Variants in STARD13 observed in about 807,000 individuals in gnomAD.
STARD13 encodes StAR related lipid transfer domain containing 13.
In STARD13, 62 loss-of-function variants were observed where a neutral mutation model predicts 106.4. The observed-to-expected ratio is 0.58, with a 90% CI of 0.48 to 0.72. The LOEUF (loss-of-function observed/expected upper bound fraction) is 0.72. Among genes scored for constraint, STARD13 ranks in the 30% least tolerant of loss-of-function variants. STARD13 has a pLI of 0.00. For synonymous variants in STARD13, 565 were observed against 553.0 expected (o/e 1.02, Z -0.31); for missense variants, 1,387 against 1,424.0 (o/e 0.97, Z 0.42).
At chr13:33,145,540 T>C (rs1031978632) in intron 3 of STARD13, among the ~76,000 whole-genome samples, 2 of 152,224 alleles carry the variant, frequency 1.3e-5, no homozygotes, top group Non-Finnish European at 2.9e-5. Context: ...TATAATTTTT[T>C]TTTTGCTGTA....
At chr13:33,267,022 T>C (rs1440136571) in intron 1 of STARD13, among the ~76,000 whole-genome samples, 3 of 152,234 alleles carry the variant, frequency 2.0e-5, no homozygotes, top group Non-Finnish European at 4.4e-5. Flanking sequence ...AAGTTACTGC[T>C]ATGTTACTAA....
chr13:33,413,322 A>G, the STARD13 span, among the ~76,000 whole-genome samples: 1 of 152,170 alleles, frequency 6.6e-6, no homozygotes, highest in African/African-American at 2.4e-5. Flanking sequence ...AAAAGTCTCA[A>G]ATCAATAATC....
the STARD13 span, among the ~76,000 whole-genome samples, chr13:33,378,071 T>A: frequency 2.6e-5 from 4 of 152,180 alleles, no homozygotes; most frequent in African/African-American, 9.7e-5. Context: ...TGAGCCAAGT[T>A]TATTTTAAAG....
At chr13:33,481,595 T>C in the STARD13 span, among the ~76,000 whole-genome samples, 2 of 151,968 alleles carry the variant, frequency 1.3e-5, no homozygotes, top group Non-Finnish European at 2.9e-5. Context: ...GGAAAAATAA[T>C]TAAAAGAGAG....
intron 1 of STARD13, chr13:33,185,822 C>T (rs1885704829): frequency 1.3e-6 from 2 of 1,580,638 alleles, no homozygotes; most frequent in Admixed American, 3.4e-5. Context: ...GGCTAAGTAA[C>T]AAGTTCACAA....
At chr13:33,480,459 G>A in the STARD13 span, among the ~76,000 whole-genome samples, 1 of 152,164 alleles carries the variant, frequency 6.6e-6, no homozygotes, top group Non-Finnish European at 1.5e-5. Flanking sequence ...ATGGTGGGTA[G>A]TAATAATGTT....
chr13:33,528,264 A>ATGTATATGTG, the STARD13 span, among the ~76,000 whole-genome samples: 1 of 132,030 alleles, frequency 7.6e-6, no homozygotes, highest in African/African-American at 3.1e-5. Context: ...ATACATATAT[A>ATGTATATGTG]TATATATATA....
intron 1 of STARD13, among the ~76,000 whole-genome samples, chr13:33,241,225 T>C (rs892656532): frequency 2.0e-5 from 3 of 152,154 alleles, no homozygotes; most frequent in African/African-American, 2.4e-5. Flanking sequence ...CCTCTATTCA[T>C]AGAAAGTAGA....
At chr13:33,397,727 T>C in the STARD13 span, among the ~76,000 whole-genome samples, 1 of 152,196 alleles carries the variant, frequency 6.6e-6, no homozygotes, top group African/African-American at 2.4e-5. Context: ...CCAGGACTGC[T>C]GTAATAAAAT....
chr13:33,327,323 C>T (rs557640360), intron 1 of STARD13, among the ~76,000 whole-genome samples: 49 of 152,176 alleles, frequency 3.2e-4, no homozygotes, highest in African/African-American at 1.0e-3. Context: ...ACACTTTAGA[C>T]GTATGTGATT....
the STARD13 span, among the ~76,000 whole-genome samples, chr13:33,365,166 C>T: frequency 1.3e-5 from 2 of 151,900 alleles, no homozygotes; most frequent in African/African-American, 4.8e-5. Flanking sequence ...TCCTGGGTTC[C>T]TAGGAGATGA....
intron 1 of STARD13, among the ~76,000 whole-genome samples, chr13:33,249,983 G>A (rs1274724049): frequency 6.6e-6 from 1 of 151,946 alleles, no homozygotes; most frequent in East Asian, 1.9e-4. Context: ...TAGAGATCAG[G>A]TCTCACTACG....
At chr13:33,117,911 G>T in intron 8 of STARD13, 154 bp downstream of exon 8, 1 of 1,399,812 alleles carries the variant, frequency 7.1e-7, no homozygotes. Flanking sequence ...ATCAAACTTT[G>T]AGCAAAAGTT....
chr13:33,171,167 T>C (rs1883910349), intron 1 of STARD13, among the ~76,000 whole-genome samples: 1 of 152,238 alleles, frequency 6.6e-6, no homozygotes, highest in African/African-American at 2.4e-5. Context: ...CATTAAGAGC[T>C]ATTAAAATCA....
rs915732230 is a variant in STARD13 at position 33,117,885 on chromosome 13, G to C, written c.2281+180C>G. 11 of 985,144 alleles carry C rather than the reference G, an allele frequency of 1.1e-5. No individual in the cohort carries two copies. The Admixed American group carries it at 2.5e-4, about 22-fold the overall frequency. 61.0% of individuals were successfully genotyped at this position (985,144 alleles called of 1,614,324 possible). On this transcript the variant is annotated intron_variant, in intron 8 of 13. Transcript: ENST00000336934. ...GTATTTTCAAATGCATAAAAAAATG[G>C]CTTGTGGATTTCCATATCAAACTTT...
chr13:33,609,375 AGC>A, the STARD13 span, among the ~76,000 whole-genome samples: 1 of 152,104 alleles, frequency 6.6e-6, no homozygotes, highest in Non-Finnish European at 1.5e-5. Context: ...TGAAAAGTCA[AGC>A]GGCCAGGTAC....
chr13:33,343,527 A>C (rs1216342385), intron 1 of STARD13, among the ~76,000 whole-genome samples: 1 of 140,794 alleles, frequency 7.1e-6, no homozygotes, highest in Non-Finnish European at 1.5e-5. Flanking sequence ...GCACTGAGCC[A>C]TGATTCCATC....
chr13:33,459,727 A>G, the STARD13 span, among the ~76,000 whole-genome samples: 1 of 152,176 alleles, frequency 6.6e-6, no homozygotes, highest in Non-Finnish European at 1.5e-5. Context: ...TTCCTTTAAC[A>G]TTTATTGTAG....
the STARD13 span, among the ~76,000 whole-genome samples, chr13:33,384,542 T>C: frequency 6.6e-6 from 1 of 152,210 alleles, no homozygotes; most frequent in Admixed American, 6.5e-5. Context: ...AGTTATGTAC[T>C]GTAGCACAAA....
Sources: gnomAD v4.1 joint callset for allele counts (sites outside exome capture counted in the v4.1 genomes callset) on GRCh38, gnomAD v4.1.1 for gene constraint, MANE v1.5 for transcripts, NCBI Gene and HGNC (gene_info 2026-07-23, HGNC 2026-07-21) for gene names.